CMSS1: variants seen among roughly 807,000 people sequenced by gnomAD.
CMSS1 encodes protein CMSS1.
A neutral mutation model predicts 43.5 loss-of-function variants in CMSS1; 33 were observed. The observed-to-expected ratio is 0.76, with a 90% CI of 0.57 to 1.01. CMSS1 has a LOEUF of 1.01. CMSS1 is among the 50% of genes least tolerant of loss of function. The pLI is 0.00. For missense variants in CMSS1, 313 were observed against 326.4 expected (o/e 0.96, Z 0.32); for synonymous variants, 115 against 117.2 (o/e 0.98, Z 0.12).
chr3:99,851,481 C>T (rs1277470011), intron 1 of CMSS1, among the ~76,000 whole-genome samples: 1 of 152,166 alleles, frequency 6.6e-6, no homozygotes, highest in Non-Finnish European at 1.5e-5. Context: ...TATTTAACAT[C>T]TCTGAGCCTC....
At chr3:100,067,468 T>G (rs1432207660) in intron 1 of CMSS1, among the ~76,000 whole-genome samples, 1 of 152,190 alleles carries the variant, frequency 6.6e-6, no homozygotes, top group Non-Finnish European at 1.5e-5. Context: ...CCTCCATTAG[T>G]ATACATGATT....
chr3:100,000,552 T>C (rs1559720559), intron 1 of CMSS1, among the ~76,000 whole-genome samples: 2 of 152,178 alleles, frequency 1.3e-5, no homozygotes, highest in Non-Finnish European at 2.9e-5. Flanking sequence ...ACAATACTCC[T>C]AAAAGTGAAA....
intron 1 of CMSS1, among the ~76,000 whole-genome samples, chr3:99,944,490 C>T (rs1174383602): frequency 1.3e-5 from 2 of 152,228 alleles, no homozygotes; most frequent in Non-Finnish European, 2.9e-5. Context: ...AATTTACTGT[C>T]TGCAGGCACA....
chr3:100,112,706 C>T (rs576464048), intron 1 of CMSS1, among the ~76,000 whole-genome samples: 17 of 152,136 alleles, frequency 1.1e-4, no homozygotes, highest in African/African-American at 3.9e-4. Flanking sequence ...TGGGAAATTA[C>T]TGAGAAAATT....
At position 100,114,879 on chromosome 3, in the gene CMSS1, C is replaced by T. The variant is rs76745895; in HGVS notation, c.65-32094C>T. The T allele has an allele frequency of 7.8e-3, 8,890 of 1,143,892 alleles. 63 individuals carry two copies. The highest frequency in any genetic ancestry group is 0.028 in the African/African-American group (1,827 of 64,758). The allele number at this position is 1,143,892 out of a possible 1,614,324, so 70.9% of individuals were successfully genotyped here. A position where few individuals can be genotyped will look rare whatever the true frequency, so the allele number is the denominator to read the frequency against. ...CATAACCCAAGGCACTGTAAACATTCGCTATTATTAACGCTGTGTTGGACT... is the reference window on the plus strand; with the variant it reads ...CATAACCCAAGGCACTGTAAACATTTGCTATTATTAACGCTGTGTTGGACT... On this transcript the variant is annotated intron_variant, in intron 1 of 9. Transcript: ENST00000421999.
intron 2 of CMSS1, among the ~76,000 whole-genome samples, chr3:100,157,700 C>G (rs533371235): frequency 5.9e-5 from 9 of 152,284 alleles, no homozygotes; most frequent in Non-Finnish European, 1.2e-4. Context: ...TCCCCTGGCC[C>G]AGCCTTGATC....
chr3:100,115,850 G>GA (rs567538114), intron 1 of CMSS1, among the ~76,000 whole-genome samples: 90 of 151,798 alleles, frequency 5.9e-4, no homozygotes, highest in African/African-American at 1.9e-3. Context: ...ATCCTTTATA[G>GA]AAAAAAAATG....
intron 1 of CMSS1, among the ~76,000 whole-genome samples, chr3:99,906,118 C>CG: frequency 6.6e-6 from 1 of 152,252 alleles, no homozygotes; most frequent in East Asian, 1.9e-4. Flanking sequence ...CGCTTGAGCC[C>CG]AGGAGGCAGA....
chr3:100,132,130 G>T (rs1465298303), intron 1 of CMSS1, among the ~76,000 whole-genome samples: 1 of 152,204 alleles, frequency 6.6e-6, no homozygotes, highest in Non-Finnish European at 1.5e-5. Context: ...TCTTGGCTGG[G>T]TATGGTGACT....
intron 8 of CMSS1, among the ~76,000 whole-genome samples, chr3:100,174,815 T>C (rs1364058100): frequency 6.6e-6 from 1 of 152,208 alleles, no homozygotes; most frequent in East Asian, 1.9e-4. Flanking sequence ...TGTTTTAATT[T>C]AGTAATGAAG....
intron 1 of CMSS1, among the ~76,000 whole-genome samples, chr3:100,064,962 T>C (rs1352858602): frequency 1.3e-5 from 2 of 152,220 alleles, no homozygotes; most frequent in African/African-American, 4.8e-5. Flanking sequence ...CTAACATATG[T>C]TAAACACACA....
In CMSS1 at chr3:99,930,939, G is replaced by A; in HGVS notation, c.64+112896G>A. On this transcript the variant is annotated intron_variant, in intron 1 of 9. Coordinates refer to ENST00000421999, the MANE Select transcript of CMSS1 (RefSeq NM_032359.4). The stretch of plus-strand genomic sequence containing the variant: ...TGCTGTCTATGCTTCATGTTTTTAG[G>A]CCCTTGGAAACTGTGGCCTTTAGTA... 6.2e-7 allele frequency: 1 copy of A among 1,613,632 alleles called. No homozygotes were observed. The highest frequency in any genetic ancestry group is 2.2e-5 in the East Asian group (1 of 44,832).
chr3:99,972,664 G>A (rs1369452190), intron 1 of CMSS1, among the ~76,000 whole-genome samples: 2 of 152,142 alleles, frequency 1.3e-5, no homozygotes, highest in African/African-American at 4.8e-5. Flanking sequence ...CACCCTGTTG[G>A]GAAAGATTGA....
rs147984881 is a variant in CMSS1 at position 100,176,924 on chromosome 3, G to A, written c.756+509G>A. ...CTCAGTTGATCAGAATTGAATGACC[G>A]AATGCATTTATGGGCACAGTATTAG... is the stretch of plus-strand genomic sequence containing the variant. On this transcript the variant is annotated intron_variant, in intron 9 of 9. Transcript: ENST00000421999. Among the ~76,000 whole-genome samples the A allele has an allele frequency of 2.4e-4, 36 of 152,222 alleles. No homozygotes were observed. The East Asian group carries it at 4.8e-3, about 20-fold the overall frequency.
chr3:100,171,196 T>C (rs2067107174), intron 6 of CMSS1, among the ~76,000 whole-genome samples: 1 of 152,082 alleles, frequency 6.6e-6, no homozygotes, highest in Non-Finnish European at 1.5e-5. Context: ...CTTTTTTTCC[T>C]TCCTTCTTTG....
At chr3:99,944,742 A>T (rs565469573) in intron 1 of CMSS1, among the ~76,000 whole-genome samples, 1 of 152,332 alleles carries the variant, frequency 6.6e-6, no homozygotes, top group African/African-American at 2.4e-5. Flanking sequence ...AGGAAGAATT[A>T]TCTGTGTAAA....
chr3:99,932,845 C>T (rs895009646), intron 1 of CMSS1, among the ~76,000 whole-genome samples: 5 of 152,116 alleles, frequency 3.3e-5, no homozygotes, highest in Admixed American at 1.3e-4. Flanking sequence ...GAGCCAAGAT[C>T]GCGCCCGGCA....
chr3:99,933,803 T>G (rs1043509426), intron 1 of CMSS1, among the ~76,000 whole-genome samples: 9 of 152,230 alleles, frequency 5.9e-5, no homozygotes, highest in Admixed American at 3.9e-4. Context: ...GACCTGGTGC[T>G]CCATACATAA....
intron 1 of CMSS1, among the ~76,000 whole-genome samples, chr3:100,052,812 T>C (rs1363999948): frequency 6.6e-6 from 1 of 152,206 alleles, no homozygotes; most frequent in Non-Finnish European, 1.5e-5. Flanking sequence ...TGATACAAGA[T>C]AAAGTTATAA....
Sources: allele counts gnomAD v4.1 joint callset (sites outside exome capture counted in the v4.1 genomes callset), GRCh38; gene constraint gnomAD v4.1.1; transcripts MANE v1.5; gene names NCBI Gene and HGNC (gene_info 2026-07-23, HGNC 2026-07-21).